Variants in KCND2 observed in about 807,000 individuals in gnomAD.
KCND2 encodes A-type voltage-gated potassium channel KCND2.
In KCND2, 16 loss-of-function variants were observed where a neutral mutation model predicts 54.4. That is an observed-to-expected ratio of 0.29 (90% CI 0.20 to 0.45). The LOEUF is 0.45. KCND2 is among the 20% of genes least tolerant of loss of function. The pLI, the probability that KCND2 is intolerant of heterozygous loss-of-function variation, is 1.00. For missense variants in KCND2, 486 were observed against 824.2 expected (o/e 0.59, Z 5.02); for synonymous variants, 317 against 310.7 (o/e 1.02, Z -0.21).
At chr7:120,425,628 T>G (rs1007750130) in intron 1 of KCND2, among the ~76,000 whole-genome samples, 3 of 152,238 alleles carry the variant, frequency 2.0e-5, no homozygotes, top group African/African-American at 7.2e-5. Flanking sequence ...GTAACTCAGT[T>G]CTACTGGAAT....
intron 1 of KCND2, among the ~76,000 whole-genome samples, chr7:120,447,137 T>C (rs75306132): frequency 0.027 from 4,060 of 152,122 alleles, 85 homozygotes; most frequent in Non-Finnish European, 0.045. Flanking sequence ...ACTTAGGAAG[T>C]TGGCCCCAAA....
At chr7:120,669,309 T>G (rs889159876) in intron 1 of KCND2, among the ~76,000 whole-genome samples, 1 of 152,092 alleles carries the variant, frequency 6.6e-6, no homozygotes, top group African/African-American at 2.4e-5. Context: ...ACCCAAATTA[T>G]CATGCAAACA....
At chr7:120,409,190 G>A (rs1268511679) in intron 1 of KCND2, among the ~76,000 whole-genome samples, 1 of 151,888 alleles carries the variant, frequency 6.6e-6, no homozygotes, top group Non-Finnish European at 1.5e-5. Context: ...GATCTTAGTT[G>A]GCTTTATAGC....
intron 1 of KCND2, among the ~76,000 whole-genome samples, chr7:120,532,757 A>T (rs1028777885): frequency 1.3e-5 from 2 of 152,070 alleles, no homozygotes; most frequent in African/African-American, 2.4e-5. Context: ...TACCCAATTA[A>T]AAAACTATAT....
intron 1 of KCND2, among the ~76,000 whole-genome samples, chr7:120,393,143 T>C (rs1463209567): frequency 6.6e-6 from 1 of 152,052 alleles, no homozygotes; most frequent in African/African-American, 2.4e-5. Context: ...ACGTTGAGTT[T>C]GTTTTTTTAT....
intron 1 of KCND2, among the ~76,000 whole-genome samples, chr7:120,348,342 C>T: frequency 6.6e-6 from 1 of 152,128 alleles, no homozygotes; most frequent in Admixed American, 6.5e-5. Flanking sequence ...GAAGCCCTTT[C>T]ATGATAGAAC....
intron 1 of KCND2, among the ~76,000 whole-genome samples, chr7:120,353,132 A>G (rs200417131): frequency 1.3e-5 from 1 of 75,040 alleles, no homozygotes; most frequent in Non-Finnish European, 2.9e-5. Flanking sequence ...AAATACTTTT[A>G]CTTTTTTTTT....
intron 1 of KCND2, among the ~76,000 whole-genome samples, chr7:120,593,958 G>T (rs1250683899): frequency 1.3e-5 from 2 of 152,182 alleles, no homozygotes; most frequent in Non-Finnish European, 2.9e-5. Context: ...GGCCTGCCCA[G>T]ACCAGTACAG....
At chr7:120,373,391 A>G (rs1305679391) in intron 1 of KCND2, among the ~76,000 whole-genome samples, 1 of 151,926 alleles carries the variant, frequency 6.6e-6, no homozygotes, top group East Asian at 1.9e-4. Flanking sequence ...TACATTCATC[A>G]TATCACATTG....
chr7:120,332,626 A>G (rs1208827946), intron 1 of KCND2, among the ~76,000 whole-genome samples: 1 of 152,094 alleles, frequency 6.6e-6, no homozygotes, highest in Non-Finnish European at 1.5e-5. Flanking sequence ...TGGCATTCCA[A>G]TTTGGAGCTT....
chr7:120,456,271 G>T (rs906411410), intron 1 of KCND2, among the ~76,000 whole-genome samples: 1 of 152,172 alleles, frequency 6.6e-6, no homozygotes, highest in Non-Finnish European at 1.5e-5. Flanking sequence ...GACTAGGTAG[G>T]TGGGTGACAT....
chr7:120,283,908 T>C (rs1028474924), intron 1 of KCND2, among the ~76,000 whole-genome samples: 2 of 152,186 alleles, frequency 1.3e-5, no homozygotes, highest in Non-Finnish European at 2.9e-5. Context: ...ATAGGATATG[T>C]ATTTTTCAAC....
At chr7:120,614,466 T>G (rs1425881555) in intron 1 of KCND2, among the ~76,000 whole-genome samples, 1 of 152,222 alleles carries the variant, frequency 6.6e-6, no homozygotes, top group Non-Finnish European at 1.5e-5. Flanking sequence ...AAAATCCACC[T>G]CATCTAGTTT....
intron 1 of KCND2, among the ~76,000 whole-genome samples, chr7:120,303,388 T>A (rs1312446023): frequency 6.6e-6 from 1 of 152,196 alleles, no homozygotes; most frequent in Non-Finnish European, 1.5e-5. Context: ...ACAGAGCTAT[T>A]ATTTCTCTTT....
intron 1 of KCND2, among the ~76,000 whole-genome samples, chr7:120,651,609 C>T (rs1791734516): frequency 6.6e-6 from 1 of 152,168 alleles, no homozygotes; most frequent in Admixed American, 6.5e-5. Context: ...GCTCGATGGG[C>T]TGCACCCACT....
intron 1 of KCND2, among the ~76,000 whole-genome samples, chr7:120,320,549 C>T (rs1799880102): frequency 6.6e-6 from 1 of 152,132 alleles, no homozygotes; most frequent in African/African-American, 2.4e-5. Context: ...CTGTCAAAGA[C>T]AGGGGATCAC....
At chr7:120,464,181 C>A (rs1584789870) in intron 1 of KCND2, 1 of 506,206 alleles carries the variant, frequency 2.0e-6, no homozygotes, top group Non-Finnish European at 2.5e-6. Context: ...CTCGGTGAGT[C>A]TGTTCGTGCA....
At chr7:120,453,724 T>C (rs1443644383) in intron 1 of KCND2, among the ~76,000 whole-genome samples, 1 of 152,184 alleles carries the variant, frequency 6.6e-6, no homozygotes, top group African/African-American at 2.4e-5. Flanking sequence ...ATATTAATAC[T>C]AGAATTTCTC....
At chr7:120,418,387 T>C (rs1010318712) in intron 1 of KCND2, among the ~76,000 whole-genome samples, 1 of 152,154 alleles carries the variant, frequency 6.6e-6, no homozygotes, top group East Asian at 1.9e-4. Flanking sequence ...AGAAATTATT[T>C]TGAAATACAA....
Sources: allele counts gnomAD v4.1 joint callset (sites outside exome capture counted in the v4.1 genomes callset), GRCh38; gene constraint gnomAD v4.1.1; transcripts MANE v1.5; gene names NCBI Gene and HGNC (gene_info 2026-07-23, HGNC 2026-07-21).